The following HERC6 variants were observed in gnomAD, a reference collection of about 807,000 sequenced individuals.
The protein encoded by HERC6 is probable E3 ubiquitin-protein ligase HERC6.
Under a neutral mutation model 114.5 loss-of-function variants are expected in HERC6, and 101 were observed. That is an observed-to-expected ratio of 0.88 (90% confidence interval 0.75 to 1.04). HERC6 has a LOEUF of 1.04. Ranked by LOEUF, HERC6 falls within the 50% of genes least tolerant of loss-of-function variation. The probability of loss-of-function intolerance (pLI) is 0.00; values close to 1 mark genes in which losing one functional copy is unlikely to be tolerated. For synonymous variants in HERC6, 408 were observed against 436.2 expected (o/e 0.94, Z 0.81); for missense variants, 1,133 against 1,230.9 (o/e 0.92, Z 1.19).
In HERC6 at chr4:88,420,174, C is replaced by T. The variant is rs541444826; in HGVS notation, c.1713+2595C>T. Among the ~76,000 whole-genome samples the T allele has an allele frequency of 4.6e-5, 7 of 152,238 alleles. No individual in the cohort carries two copies. In the South Asian group the frequency reaches 1.4e-3, roughly 32 times the overall value. Reference sequence around the variant, plus strand: ...ATAAAATACACCTCTTTCCCTGGCGCTTTGTAGTACTCCTTGTGTTGAAAA... The same window carrying T: ...ATAAAATACACCTCTTTCCCTGGCGTTTTGTAGTACTCCTTGTGTTGAAAA... On this transcript the variant is annotated intron_variant, in intron 13 of 22. Transcript: ENST00000264346.
chr4:88,431,104 T>G, intron 16 of HERC6, 58 bp from the exon 17 acceptor site: 2 of 1,497,030 alleles, frequency 1.3e-6, no homozygotes, highest in African/African-American at 2.8e-5. Flanking sequence ...AAAACTTCCA[T>G]AAAGCTCAAA....
chr4:88,442,312 T>C lies in HERC6; in HGVS notation c.2921T>C (p.Phe974Ser), dbSNP rs375959684. The change falls in exon 23 of 23, where the codon TTC becomes TCC. Residue 974 changes from phenylalanine to serine, a missense_variant. Transcript: ENST00000264346. ...MEIVFRCPET[F>S]SERDHPTSIT... is the part of the protein sequence containing the mutation. ...ATAGTATTTCGCTGTCCTGAAACTT[T>C]CAGTGAAAGAGATCACCCAACATCA... The C allele has an allele frequency of 6.2e-7, 1 of 1,613,836 alleles. No individual in the cohort carries two copies. Among genetic ancestry groups the C allele is most frequent in the Non-Finnish European group, 8.5e-7 (1 of 1,179,830 alleles).
At chr4:88,408,702 A>T in intron 11 of HERC6, 85 bp downstream of exon 11, 1 of 898,650 alleles carries the variant, frequency 1.1e-6, no homozygotes, top group Non-Finnish European at 1.8e-6. Flanking sequence ...GGGAACTATG[A>T]TTGTAATTGC....
At chr4:88,411,533 C>T (rs568937769) in intron 11 of HERC6, among the ~76,000 whole-genome samples, 1 of 152,264 alleles carries the variant, frequency 6.6e-6, no homozygotes, top group African/African-American at 2.4e-5. Context: ...ATATATAGTA[C>T]ATCACAGTTT....
rs868466972 is a variant in HERC6, at chr4:88,414,618, G to C, written c.1558+1352G>C. Among the ~76,000 whole-genome samples, 8 of 152,298 alleles carry C rather than the reference G, an allele frequency of 5.3e-5. No individual in the cohort carries two copies. In the South Asian group the frequency reaches 1.2e-3, roughly 24 times the overall value. On this transcript the variant is annotated intron_variant, in intron 12 of 22. Coordinates refer to ENST00000264346, the MANE Select transcript of HERC6 (RefSeq NM_017912.4). ...GGTTATTTCTTGATTATGTGCTGAA[G>C]AAGGGGTGGGTTATTCATACCTCCC... is the stretch of plus-strand genomic sequence containing the variant.
intron 17 of HERC6, among the ~76,000 whole-genome samples, 165 bp downstream of exon 17, chr4:88,431,470 T>C (rs1417699830): frequency 1.3e-5 from 2 of 152,124 alleles, no homozygotes; most frequent in Non-Finnish European, 2.9e-5. Flanking sequence ...ATGGCGTCAC[T>C]TGGGGAGCTG....
At chr4:88,379,193 A>AGGGAACCGGGTGCGGAGCGCT in intron 1 of HERC6, 73 bp downstream of exon 1, 1 of 1,247,982 alleles carries the variant, frequency 8.0e-7, no homozygotes, top group South Asian at 1.5e-5. Flanking sequence ...TACCGGGCGC[A>AGGGAACCGGGTGCGGAGCGCT]GGGAACCGGG....
Position 88,390,862 on chromosome 4 carries a change from G to C in HERC6, c.647G>C (p.Ser216Thr). 1 of 1,613,334 alleles carries C rather than the reference G, an allele frequency of 6.2e-7. No homozygotes were observed. Among genetic ancestry groups the C allele is most frequent in the Non-Finnish European group, 8.5e-7 (1 of 1,179,442 alleles). Residue 216 changes from serine (S) to threonine (T), a missense_variant, in exon 4 of 23, where the codon AGT (serine) becomes ACT (threonine). Around this residue, in one of 3 missense-constraint regions of HERC6, gnomAD observed 735 missense variants for 754.0 expected, o/e 0.97. Transcript: ENST00000264346. ...GSNSAGQLAL[S>T]GRNVPVQSNK... ...AACAGTGCCGGGCAGCTGGCCCTCA[G>C]TGGGCGTAATGTCCCAGGTAAGGAG...
At chr4:88,408,242 T>C (rs1377246999) in intron 10 of HERC6, among the ~76,000 whole-genome samples, 1 of 152,176 alleles carries the variant, frequency 6.6e-6, no homozygotes, top group Non-Finnish European at 1.5e-5. Flanking sequence ...CGGGGGCAGA[T>C]GGTTTCTGTT....
intron 20 of HERC6, 31 bp from the exon 21 acceptor site, chr4:88,439,843 T>C (rs1295554098): frequency 9.0e-5 from 14 of 156,220 alleles, no homozygotes; most frequent in Middle Eastern, 2.0e-3. Context: ...CCTTCCTTTC[T>C]TTTTTTTTTT....
chr4:88,407,224 T>A (rs1348225980), intron 10 of HERC6, among the ~76,000 whole-genome samples: 3 of 151,988 alleles, frequency 2.0e-5, no homozygotes, highest in African/African-American at 7.3e-5. Flanking sequence ...ATTACAGGCA[T>A]GCGCCACCAT....
At chr4:88,410,656 A>T (rs1736048890) in intron 11 of HERC6, among the ~76,000 whole-genome samples, 1 of 152,090 alleles carries the variant, frequency 6.6e-6, no homozygotes, top group African/African-American at 2.4e-5. Context: ...AATTTTGGGG[A>T]ACACATTTAG....
chr4:88,441,528 AG>A (rs1276623990), intron 22 of HERC6, among the ~76,000 whole-genome samples: 2 of 152,116 alleles, frequency 1.3e-5, no homozygotes, highest in Non-Finnish European at 2.9e-5. Context: ...TAAGCTCTGT[AG>A]CCTCATGGTA....
At chr4:88,390,032 A>G (rs1734810010) in intron 3 of HERC6, among the ~76,000 whole-genome samples, 1 of 152,060 alleles carries the variant, frequency 6.6e-6, no homozygotes, top group African/African-American at 2.4e-5. Flanking sequence ...CACAAAAATT[A>G]GCCGGGCGTG....
rs746573809 is a variant in HERC6, at chr4:88,393,502, C to G, written c.679C>G (p.Pro227Ala). 2 of 1,609,898 alleles carry G rather than the reference C, an allele frequency of 1.2e-6. No homozygotes were observed. The highest frequency in any genetic ancestry group is 1.7e-6 in the Non-Finnish European group (2 of 1,177,092). ...GRNVPVQSNKPLSVGALKNLG... is the reference protein window; with the variant it reads ...GRNVPVQSNKALSVGALKNLG... Reference sequence around the variant, plus strand: ...TCTTTCAACAGTGCAAAGCAACAAGCCTCTCTCAGTCGGTGCACTGAAGAA... The same window carrying G: ...TCTTTCAACAGTGCAAAGCAACAAGGCTCTCTCAGTCGGTGCACTGAAGAA... The change falls in exon 5 of 23, where the codon CCT becomes GCT. Residue 227 changes from proline to alanine, a missense_variant. By Grantham distance (27) the Pro-to-Ala change is conservative. This residue lies in a region of HERC6 where 735 missense variants were observed against 754.0 expected (regional missense o/e 0.97). Coordinates refer to ENST00000264346, the MANE Select transcript of HERC6 (RefSeq NM_017912.4).
intron 11 of HERC6, among the ~76,000 whole-genome samples, chr4:88,410,668 C>T (rs1159727065): frequency 6.6e-6 from 1 of 152,054 alleles, no homozygotes; most frequent in Non-Finnish European, 1.5e-5. Flanking sequence ...CACATTTAGC[C>T]TATAGCACAG....
At chr4:88,410,682 G>A (rs1736050362) in intron 11 of HERC6, among the ~76,000 whole-genome samples, 1 of 152,008 alleles carries the variant, frequency 6.6e-6, no homozygotes, top group South Asian at 2.1e-4. Context: ...AGCACAGGAG[G>A]AAAAAAACAA....
chr4:88,392,232 G>GCA (rs1319654957), intron 4 of HERC6, among the ~76,000 whole-genome samples: 1 of 147,780 alleles, frequency 6.8e-6, no homozygotes, highest in Non-Finnish European at 1.5e-5. Flanking sequence ...AGGCTGGAGT[G>GCA]CAGTGGTGTG....
chr4:88,423,242 G>T (rs1737253605), intron 13 of HERC6, among the ~76,000 whole-genome samples: 1 of 151,858 alleles, frequency 6.6e-6, no homozygotes, highest in South Asian at 2.1e-4. Flanking sequence ...GAGGCATTTA[G>T]ATCATTTAGA....
Sources: gnomAD v4.1 joint callset for allele counts (sites outside exome capture counted in the v4.1 genomes callset) on GRCh38, gnomAD v4.1.1 for gene constraint, gnomAD v4.1.1 regional missense constraint, MANE v1.5 for transcripts, NCBI Gene and HGNC (gene_info 2026-07-23, HGNC 2026-07-21) for gene names.